MAP7D1: variants seen among roughly 807,000 people sequenced by gnomAD.
MAP7D1 encodes the protein MAP7 domain containing 1, also known as MAP7 domain-containing protein 1.
Under a neutral mutation model 97.5 loss-of-function variants are expected in MAP7D1, and 30 were observed. The ratio of observed to expected loss-of-function variants is 0.31; its 90% confidence interval spans 0.23 to 0.42. The LOEUF (loss-of-function observed/expected upper bound fraction) is 0.42. Among genes scored for constraint, MAP7D1 ranks in the 10% least tolerant of loss-of-function variants. The pLI is 1.00. For synonymous variants in MAP7D1, 536 were observed against 477.1 expected, an observed-to-expected ratio of 1.12 and a Z score of -1.61; for missense variants, 1,184 against 1,179.5, an observed-to-expected ratio of 1.00 and a Z score of -0.06.
chr1:36,167,180 A>G (rs531598686), intron 1 of MAP7D1, among the ~76,000 whole-genome samples: 1 of 152,256 alleles, frequency 6.6e-6, no homozygotes, highest in East Asian at 1.9e-4. Context: ...GAGGTCCTCC[A>G]CTCAGCCCTA....
intron 8 of MAP7D1, chr1:36,177,526 A>T: frequency 2.0e-6 from 1 of 497,558 alleles, no homozygotes; most frequent in Non-Finnish European, 4.0e-6. Context: ...TGTCTTAAAA[A>T]CAACAACAAC....
In MAP7D1 at chr1:36,176,498, C is replaced by A. The variant is rs1570160339; in HGVS notation, c.1150C>A (p.Pro384Thr). The A allele has an allele frequency of 3.6e-6, 5 of 1,382,554 alleles. No homozygotes were observed. Among genetic ancestry groups the A allele is most frequent in the Admixed American group, 3.6e-5 (1 of 27,952 alleles). 85.6% of individuals were successfully genotyped at this position (1,382,554 alleles called of 1,614,324 possible). ...CACCCGAAGCGTGCACCGCTGCGCC[C>A]CCGCCGGTGAGCGCGGGGAGCGCCG... ...SVTRSVHRCA[P>T]AGERGERRKP... Residue 384 changes from proline to threonine, a missense_variant, in exon 7 of 17, where the codon CCC (proline) becomes ACC (threonine). By Grantham distance (38) the Pro-to-Thr change is conservative. Transcript: ENST00000474796. The surrounding 1 kb of genome is among the most constrained non-coding windows in gnomAD (Gnocchi z 6.1).
rs74066061 is a variant in MAP7D1 at position 36,177,792 on chromosome 1, G to A, written c.1380-81G>A. On this transcript the variant is annotated intron_variant, in intron 8 of 16. Coordinates refer to ENST00000474796, the MANE Select transcript of MAP7D1 (RefSeq NM_001388490.1). ...GCGCTGATGTAGCCTGGGGGAGGGG[G>A]CACCTCCCAGAGGAAGGAACAAGTT... 14,371 of 1,504,904 alleles carry A rather than the reference G, an allele frequency of 9.5e-3. 1,196 individuals carry two copies. In the African/African-American group the frequency reaches 0.18, roughly 19 times the overall value. The allele number at this position is 1,504,904 out of a possible 1,614,324, so 93.2% of individuals were successfully genotyped here.
rs1326985003 is a variant in MAP7D1, at chr1:36,176,892, C to G, written c.1379+50C>G. On this transcript the variant is annotated intron_variant, in intron 8 of 16. Coordinates refer to ENST00000474796, the MANE Select transcript of MAP7D1 (RefSeq NM_001388490.1). The surrounding 1 kb of genome is among the most constrained non-coding windows in gnomAD (Gnocchi z 6.1). ...CCTGCCCCTCACCGGGTCATTTATT[C>G]ATCACCCACAAATATTTGTTGGGCA... The G allele has an allele frequency of 7.6e-6, 11 of 1,454,726 alleles. No homozygotes were observed. The South Asian group carries it at 1.1e-4, about 15-fold the overall frequency. The allele number at this position is 1,454,726 out of a possible 1,614,324, so 90.1% of individuals were successfully genotyped here.
At chr1:36,179,441 G>A in intron 13 of MAP7D1, 74 bp from the exon 14 acceptor site, 1 of 1,572,960 alleles carries the variant, frequency 6.4e-7, no homozygotes, top group South Asian at 1.1e-5. Context: ...CGGGCAAGGG[G>A]AGGGCCGAAC....
At position 36,171,153 on chromosome 1, in the gene MAP7D1, C is replaced by T. The variant is rs765600819; in HGVS notation, c.229C>T (p.Pro77Ser). The change falls in exon 2 of 17, where the codon CCT (proline) becomes TCT (serine). Residue 77 changes from proline (P) to serine (S), a missense_variant. By Grantham distance (74) the Pro-to-Ser change is moderately conservative. Transcript: ENST00000474796. The part of the protein sequence containing the change: ...EPESPSGQVG[P>S]RPAPPQEESP... ...AGAGAGCCCCTCAGGGCAGGTCGGGCCTAGGCCAGCCCCCCCGCAGGAAGA... is the reference window on the plus strand; with the variant it reads ...AGAGAGCCCCTCAGGGCAGGTCGGGTCTAGGCCAGCCCCCCCGCAGGAAGA... The T allele has an allele frequency of 2.8e-5, 45 of 1,613,840 alleles. No individual in the cohort carries two copies. In the African/African-American group the frequency reaches 5.2e-4, roughly 19 times the overall value.
In MAP7D1 at chr1:36,156,427, G is replaced by A. The variant is rs1644329788; in HGVS notation, c.10G>A (p.Gly4Ser). 2.0e-6 allele frequency: 3 copies of A among 1,479,724 alleles called. No individual in the cohort carries two copies. The highest frequency in any genetic ancestry group is 2.7e-6 in the Non-Finnish European group (3 of 1,123,228). The allele number at this position is 1,479,724 out of a possible 1,614,324, so 91.7% of individuals were successfully genotyped here. The change falls in exon 1 of 17, where the codon GGC becomes AGC. Residue 4 changes from glycine to serine, a missense_variant. Physicochemically the swap from Gly to Ser is moderately conservative, Grantham distance 56 (BLOSUM62 0). Transcript: ENST00000474796. The part of the protein sequence containing the change: MES[G>S]PRAELGAGAP... Reference sequence around the variant, plus strand: ...CAGTGACGCCGCAGCCATGGAGAGCGGCCCGCGTGCGGAGCTGGGGGCGGG... The same window carrying A: ...CAGTGACGCCGCAGCCATGGAGAGCAGCCCGCGTGCGGAGCTGGGGGCGGG...
Position 36,156,285 on chromosome 1 carries a change from G to A in MAP7D1, c.-133G>A. ...CACCTGCCTCGACCTTCCCCGGAGC[G>A]CCCCCGCCTCCGAGTCGCTACTTGC... is the stretch of plus-strand genomic sequence containing the variant. On this transcript the variant is annotated 5_prime_UTR_variant, in exon 1 of 17. Coordinates refer to ENST00000474796, the MANE Select transcript of MAP7D1 (RefSeq NM_001388490.1). 3.1e-6 allele frequency: 2 copies of A among 647,324 alleles called. No homozygotes were observed. Among genetic ancestry groups the A allele is most frequent in the Non-Finnish European group, 4.6e-6 (2 of 433,730 alleles). The allele number at this position is 647,324 out of a possible 1,614,324, so 40.1% of individuals were successfully genotyped here.
rs781308985 is a variant in MAP7D1 at position 36,178,661 on chromosome 1, T to C, written c.1887-24T>C. ...CTGGAGAAGAAGCAGAGGCCGAGCC[T>C]GAGCCGTTTGCTCCGTCCCCCAGGC... On this transcript the variant is annotated intron_variant, in intron 10 of 16. Transcript: ENST00000474796. 9 of 1,530,810 alleles carry C rather than the reference T, an allele frequency of 5.9e-6. No individual in the cohort carries two copies. The Admixed American group carries it at 1.8e-4, about 31-fold the overall frequency. The allele number at this position is 1,530,810 out of a possible 1,614,324, so 94.8% of individuals were successfully genotyped here. A position where few individuals can be genotyped will look rare whatever the true frequency, so the allele number is the denominator to read the frequency against.
chr1:36,177,498 T>G (rs953712980), intron 8 of MAP7D1: 1 of 494,634 alleles, frequency 2.0e-6, no homozygotes, highest in African/African-American at 1.9e-5. Flanking sequence ...CACTCCAGCC[T>G]GGGGGTCAGC....
Position 36,180,590 on chromosome 1 carries a change from C to G in MAP7D1, c.*332C>G, listed in dbSNP as rs1644703514. The G allele has an allele frequency of 1.0e-5, 4 of 395,104 alleles. No homozygotes were observed. The allele number at this position is 395,104 out of a possible 1,614,324, so 24.5% of individuals were successfully genotyped here. A position where few individuals can be genotyped will look rare whatever the true frequency, so the allele number is the denominator to read the frequency against. On this transcript the variant is annotated 3_prime_UTR_variant, in exon 17 of 17. Transcript: ENST00000474796. Reference sequence around the variant, plus strand: ...TGGTGGGGTACAGTGGATGTGAATACTGTAAATAGCTTGTGCTCAGACTCC... The same window carrying G: ...TGGTGGGGTACAGTGGATGTGAATAGTGTAAATAGCTTGTGCTCAGACTCC...
chr1:36,175,102 C>A (rs1016481959), intron 6 of MAP7D1, 94 bp downstream of exon 6: 4 of 731,586 alleles, frequency 5.5e-6, no homozygotes, highest in Non-Finnish European at 8.6e-6. Flanking sequence ...GTCCCTGGAG[C>A]CCTCACATAC....
chr1:36,178,310 A>G, intron 9 of MAP7D1, 109 bp downstream of exon 9: 3 of 1,471,934 alleles, frequency 2.0e-6, no homozygotes, highest in Non-Finnish European at 2.7e-6. Context: ...GGACATGGAA[A>G]GAGGAGACTC....
Position 36,171,280 on chromosome 1 carries a change from C to T in MAP7D1, c.356C>T (p.Ala119Val). 1 of 1,580,790 alleles carries T rather than the reference C, an allele frequency of 6.3e-7. No homozygotes were observed. The highest frequency in any genetic ancestry group is 8.6e-7 in the Non-Finnish European group (1 of 1,163,264). The change falls in exon 2 of 17, where the codon GCA (alanine) becomes GTA (valine). Residue 119 changes from alanine (A) to valine (V), a missense_variant. Physicochemically the swap from Ala to Val is moderately conservative, Grantham distance 64. Transcript: ENST00000474796. ...PRRSSQPSPTAVPASDSPPTK... is the reference protein window; with the variant it reads ...PRRSSQPSPTVVPASDSPPTK... The stretch of plus-strand genomic sequence containing the variant: ...AGGAGCAGCCAGCCATCTCCAACAG[C>T]AGTGCCAGCCTCCGACAGCCCTCCC...
intron 2 of MAP7D1, 75 bp from the exon 3 acceptor site, chr1:36,171,438 G>C: frequency 6.3e-7 from 1 of 1,577,012 alleles, no homozygotes; most frequent in East Asian, 2.3e-5. Context: ...GGTGAGGCCC[G>C]GAGGGAGGGA....
At position 36,159,717 on chromosome 1, in the gene MAP7D1, C is replaced by A. The variant is rs929158704; in HGVS notation, c.46+3254C>A. 2.6e-5 allele frequency among the ~76,000 whole-genome samples: 4 copies of A among 152,170 alleles called. No homozygotes were observed. Among genetic ancestry groups the A allele is most frequent in the African/African-American group, 9.7e-5 (4 of 41,430 alleles). On this transcript the variant is annotated intron_variant, in intron 1 of 16. Transcript: ENST00000474796. This position sits in a 1 kb window ranked among gnomAD's most constrained non-coding sequence, Gnocchi z 5.4. Reference sequence around the variant, plus strand: ...GCAGATGTGTTCACTGCAGGGAAACCAGGTATAATGGTGTTAGTGTGCAGT... The same window carrying A: ...GCAGATGTGTTCACTGCAGGGAAACAAGGTATAATGGTGTTAGTGTGCAGT...
At chr1:36,173,335 ATC>A (rs1210470379) in intron 4 of MAP7D1, 27 bp from the exon 5 acceptor site, 2 of 1,560,186 alleles carry the variant, frequency 1.3e-6, no homozygotes, top group African/African-American at 1.4e-5. Flanking sequence ...CTGAGTCCAC[ATC>A]TCTCTCTTCT....
intron 1 of MAP7D1, 134 bp downstream of exon 1, chr1:36,156,597 A>C: frequency 1.5e-6 from 1 of 663,134 alleles, no homozygotes; most frequent in African/African-American, 1.9e-5. Context: ...TTTAAAAATA[A>C]AGGCTGCGGC....
rs201548025 is a variant in MAP7D1 at position 36,178,019 on chromosome 1, G to A, written c.1526G>A (p.Arg509Gln). Residue 509 changes from arginine (R) to glutamine (Q), a missense_variant, in exon 9 of 17, where the codon CGG (arginine) becomes CAG (glutamine). Transcript: ENST00000474796. ...ACTGCATCCCCCAAGGGGCGGGTTCGGAGGAAGGAGGAGGCAAAGGAGAGC... is the reference window on the plus strand; with the variant it reads ...ACTGCATCCCCCAAGGGGCGGGTTCAGAGGAAGGAGGAGGCAAAGGAGAGC... ...GTTASPKGRVRRKEEAKESPS... is the reference protein window; with the variant it reads ...GTTASPKGRVQRKEEAKESPS... The A allele has an allele frequency of 1.1e-4, 175 of 1,613,508 alleles. 1 individual carries two copies. In the East Asian group the frequency reaches 3.3e-3, roughly 31 times the overall value.
Sources: allele counts gnomAD v4.1 joint callset (sites outside exome capture counted in the v4.1 genomes callset), GRCh38; gene constraint gnomAD v4.1.1; non-coding constraint Gnocchi (gnomAD v3.1); transcripts MANE v1.5; gene names NCBI Gene and HGNC (gene_info 2026-07-23, HGNC 2026-07-21).